ZNF438: variants seen among roughly 807,000 people sequenced by gnomAD.
The protein encoded by ZNF438 is zinc finger protein 438.
A neutral mutation model predicts 38.0 loss-of-function variants in ZNF438; 25 were observed. The ratio of observed to expected loss-of-function variants is 0.66; its 90% CI spans 0.48 to 0.92. ZNF438 has a LOEUF of 0.92. ZNF438 is among the 40% of genes least tolerant of loss of function. ZNF438 has a pLI of 0.00. For synonymous variants in ZNF438, 372 were observed against 364.1 expected, an observed-to-expected ratio of 1.02 and a Z score of -0.25; for missense variants, 1,007 against 999.6, an observed-to-expected ratio of 1.01 and a Z score of -0.10.
At chr10:30,972,974 ATCT>A (rs2050910470) in intron 1 of ZNF438, among the ~76,000 whole-genome samples, 2 of 152,188 alleles carry the variant, frequency 1.3e-5, no homozygotes, top group African/African-American at 4.8e-5. Context: ...CATCATCATC[ATCT>A]TCATCATCAG....
At chr10:30,852,194 T>A (rs1385009545) in intron 4 of ZNF438, among the ~76,000 whole-genome samples, 1 of 147,952 alleles carries the variant, frequency 6.8e-6, no homozygotes, top group Non-Finnish European at 1.5e-5. Context: ...AAATGTAACA[T>A]CAACCTTGAT....
chr10:31,004,944 T>C (rs2054983095), intron 1 of ZNF438, among the ~76,000 whole-genome samples: 1 of 152,214 alleles, frequency 6.6e-6, no homozygotes, highest in Non-Finnish European at 1.5e-5. Flanking sequence ...ATTACTTTAA[T>C]AAGTTACCAG....
chr10:31,021,373 AATAGTTATAGATAGT>A (rs2056579703), intron 1 of ZNF438, among the ~76,000 whole-genome samples: 1 of 152,166 alleles, frequency 6.6e-6, no homozygotes, highest in South Asian at 2.1e-4. Flanking sequence ...TCACAGAGTA[AATAGTTATAGATAGT>A]ACAGTAGTTC....
chr10:30,891,066 C>T (rs975718577), intron 3 of ZNF438, among the ~76,000 whole-genome samples: 3 of 152,158 alleles, frequency 2.0e-5, no homozygotes, highest in African/African-American at 7.2e-5. Flanking sequence ...ATTGTGGAAA[C>T]AATGTTTATA....
At chr10:30,988,458 T>C (rs964913441) in intron 1 of ZNF438, among the ~76,000 whole-genome samples, 1 of 152,012 alleles carries the variant, frequency 6.6e-6, no homozygotes, top group African/African-American at 2.4e-5. Flanking sequence ...CCTTAGTACT[T>C]TCTAATCTCC....
intron 3 of ZNF438, among the ~76,000 whole-genome samples, chr10:30,891,637 C>G (rs1564582893): frequency 6.6e-6 from 1 of 152,076 alleles, no homozygotes; most frequent in Non-Finnish European, 1.5e-5. Flanking sequence ...TTAAGTTTCA[C>G]TAACTAAAGA....
At chr10:30,912,480 G>T (rs1166423730) in intron 2 of ZNF438, among the ~76,000 whole-genome samples, 1 of 151,930 alleles carries the variant, frequency 6.6e-6, no homozygotes, top group Non-Finnish European at 1.5e-5. Context: ...TCTCTCCCTA[G>T]GATATCTCAT....
chr10:30,966,519 A>C (rs974821535), intron 1 of ZNF438, among the ~76,000 whole-genome samples: 23 of 151,796 alleles, frequency 1.5e-4, no homozygotes, highest in South Asian at 4.2e-4. Flanking sequence ...AAATACAAAA[A>C]ATTAGCCAGG....
intron 2 of ZNF438, among the ~76,000 whole-genome samples, chr10:30,932,307 G>A (rs2045783458): frequency 6.6e-6 from 1 of 151,628 alleles, no homozygotes; most frequent in Admixed American, 6.6e-5. Flanking sequence ...GTTTTTCCAT[G>A]GTTTCATAAT....
chr10:30,889,346 C>A (rs939409817), intron 3 of ZNF438, among the ~76,000 whole-genome samples: 6 of 152,106 alleles, frequency 3.9e-5, no homozygotes, highest in Non-Finnish European at 8.8e-5. Flanking sequence ...TGGCAATCAC[C>A]TTCCTTCCCT....
intron 1 of ZNF438, among the ~76,000 whole-genome samples, chr10:30,943,108 T>G (rs1248488952): frequency 1.3e-5 from 2 of 152,146 alleles, no homozygotes; most frequent in Non-Finnish European, 2.9e-5. Context: ...TTTTTGTCAT[T>G]GGTGCTGTTT....
At chr10:30,924,034 A>G (rs977988376) in intron 2 of ZNF438, among the ~76,000 whole-genome samples, 4 of 152,238 alleles carry the variant, frequency 2.6e-5, no homozygotes, top group Non-Finnish European at 4.4e-5. Context: ...AATTTCTACA[A>G]AAGTTATTTG....
At chr10:30,977,937 G>A (rs1024745864) in intron 1 of ZNF438, among the ~76,000 whole-genome samples, 34 of 151,046 alleles carry the variant, frequency 2.3e-4, no homozygotes, top group Admixed American at 1.6e-3. Flanking sequence ...CACCGAGATC[G>A]TGCCACTACA....
At chr10:30,965,993 T>TAA (rs201635479) in intron 1 of ZNF438, among the ~76,000 whole-genome samples, 6 of 151,888 alleles carry the variant, frequency 4.0e-5, no homozygotes, top group Non-Finnish European at 2.9e-5. Context: ...AGCAATACTG[T>TAA]AAAAAAAATA....
chr10:30,996,055 T>G (rs887584418), intron 1 of ZNF438, among the ~76,000 whole-genome samples: 10 of 152,130 alleles, frequency 6.6e-5, no homozygotes, highest in African/African-American at 2.4e-4. Flanking sequence ...TAAATCGGGA[T>G]GTACACTGTA....
chr10:30,857,667 A>G (rs2034893333), intron 4 of ZNF438: 1 of 1,506,152 alleles, frequency 6.6e-7, no homozygotes, highest in Non-Finnish European at 9.0e-7. Flanking sequence ...TTATATTTGA[A>G]TTTGCCACTT....
At chr10:30,898,251 A>G (rs1358263821) in intron 3 of ZNF438, among the ~76,000 whole-genome samples, 1 of 152,208 alleles carries the variant, frequency 6.6e-6, no homozygotes, top group East Asian at 1.9e-4. Flanking sequence ...AATACAACTT[A>G]AAACAGCAGT....
At chr10:30,886,651 A>G (rs562496074) in intron 3 of ZNF438, among the ~76,000 whole-genome samples, 12 of 152,222 alleles carry the variant, frequency 7.9e-5, no homozygotes, top group Non-Finnish European at 4.4e-5. Context: ...TAATTTATTG[A>G]ATACTGTGCT....
intron 1 of ZNF438, among the ~76,000 whole-genome samples, chr10:30,988,845 T>C (rs905471399): frequency 5.9e-5 from 9 of 152,204 alleles, no homozygotes; most frequent in Non-Finnish European, 1.2e-4. Context: ...GTTAATTTTA[T>C]GAGTCACTTT....
Sources: allele counts gnomAD v4.1 joint callset (sites outside exome capture counted in the v4.1 genomes callset), GRCh38; gene constraint gnomAD v4.1.1; transcripts MANE v1.5; gene names NCBI Gene and HGNC (gene_info 2026-07-23, HGNC 2026-07-21).